Variants in TRAPPC9 observed in about 807,000 individuals in gnomAD.
TRAPPC9 encodes IKK2 binding protein.
In TRAPPC9, 83 loss-of-function variants were observed where a neutral mutation model predicts 124.0. The observed-to-expected ratio is 0.67, with a 90% CI of 0.56 to 0.80. The LOEUF is 0.80. Among genes scored for constraint, TRAPPC9 ranks in the 30% least tolerant of loss-of-function variants. TRAPPC9 has a pLI of 0.00. For synonymous variants in TRAPPC9, 638 were observed against 617.5 expected, an observed-to-expected ratio of 1.03 and a Z score of -0.49; for missense variants, 1,302 against 1,508.3, an observed-to-expected ratio of 0.86 and a Z score of 2.27.
chr8:139,994,021 T>G (rs57138217), intron 18 of TRAPPC9, among the ~76,000 whole-genome samples: 2 of 152,148 alleles, frequency 1.3e-5, no homozygotes, highest in African/African-American at 4.8e-5. Context: ...AATTGATACC[T>G]CCTAGACATT....
At chr8:139,973,058 G>A (rs1836207381) in intron 19 of TRAPPC9, among the ~76,000 whole-genome samples, 1 of 152,198 alleles carries the variant, frequency 6.6e-6, no homozygotes, top group South Asian at 2.1e-4. Flanking sequence ...AACAACTAGA[G>A]CGCAGGTGGA....
At chr8:140,382,794 T>G (rs2068646703) in intron 7 of TRAPPC9, among the ~76,000 whole-genome samples, 2 of 152,190 alleles carry the variant, frequency 1.3e-5, no homozygotes, top group Non-Finnish European at 1.5e-5. Context: ...CCCTGTCTGA[T>G]AGCTTTGAAG....
chr8:140,208,331 C>G (rs565607073), intron 17 of TRAPPC9, among the ~76,000 whole-genome samples: 55 of 152,102 alleles, frequency 3.6e-4, no homozygotes, highest in South Asian at 8.3e-4. Context: ...GTCCTAAAGA[C>G]AACAAAAAAT....
intron 21 of TRAPPC9, among the ~76,000 whole-genome samples, chr8:139,866,736 G>C (rs1406206918): frequency 6.6e-6 from 1 of 152,154 alleles, no homozygotes. Flanking sequence ...TGACTGTTAA[G>C]GTGGACAGAC....
intron 21 of TRAPPC9, among the ~76,000 whole-genome samples, chr8:139,758,263 T>C (rs1270829990): frequency 6.6e-6 from 1 of 152,178 alleles, no homozygotes; most frequent in African/African-American, 2.4e-5. Context: ...TGGGGACATG[T>C]GCCTGTGGAG....
At chr8:139,738,246 A>T (rs1238066552) in intron 21 of TRAPPC9, among the ~76,000 whole-genome samples, 1 of 152,202 alleles carries the variant, frequency 6.6e-6, no homozygotes, top group Non-Finnish European at 1.5e-5. Context: ...GAGAGACAGA[A>T]TGACTAAAGG....
chr8:139,920,567 G>A (rs1289432668), intron 19 of TRAPPC9, among the ~76,000 whole-genome samples: 1 of 152,212 alleles, frequency 6.6e-6, no homozygotes, highest in Non-Finnish European at 1.5e-5. Flanking sequence ...CCAGGGCAGG[G>A]CACACAGCTG....
At chr8:140,036,089 C>A (rs1398754170) in intron 17 of TRAPPC9, among the ~76,000 whole-genome samples, 1 of 152,114 alleles carries the variant, frequency 6.6e-6, no homozygotes, top group Non-Finnish European at 1.5e-5. Flanking sequence ...GGCGGGGCTA[C>A]AGAGAGAGCA....
chr8:140,166,809 A>G lies in TRAPPC9; in HGVS notation c.2556+54650T>C, dbSNP rs551542478. Among the ~76,000 whole-genome samples the G allele has an allele frequency of 8.5e-4, 129 of 152,290 alleles. 1 individual carries two copies. Among genetic ancestry groups the G allele is most frequent in the African/African-American group, 3.1e-3 (127 of 41,566 alleles). On this transcript the variant is annotated intron_variant, in intron 17 of 22. Coordinates refer to ENST00000438773, the MANE Select transcript of TRAPPC9 (RefSeq NM_001160372.4). ...TTCCAAATGTGTATACAGCCTCCTC[A>G]TCCAATGAAAGAATGGCAGTTGCCA...
Position 139,732,160 on chromosome 8 carries a change from G to A in TRAPPC9, c.3098C>T (p.Ala1033Val), listed in dbSNP as rs376381483. 1.6e-5 allele frequency: 26 copies of A among 1,601,858 alleles called. No homozygotes were observed. Among genetic ancestry groups the A allele is most frequent in the African/African-American group, 9.3e-5 (7 of 74,878 alleles). The change falls in exon 22 of 23, where the codon GCG becomes GTG. Residue 1033 changes from alanine to valine, a missense_variant. Ala to Val is a moderately conservative substitution (Grantham distance 64). This residue lies in a region of TRAPPC9 where 640 missense variants were observed against 679.3 expected (regional missense o/e 0.94). Coordinates refer to ENST00000438773, the MANE Select transcript of TRAPPC9 (RefSeq NM_001160372.4). ...CACGGGGTCGCCCACCTGGCAGGCC[G>A]CCACAGCCTCGCGGTCACATGGCTG... ...DGQPCDREAV[A>V]ACQVGDPVRL...
rs1435371394 is a variant in TRAPPC9, at chr8:140,364,589, A to AT, written c.1352-4397dup. 7.4e-5 allele frequency among the ~76,000 whole-genome samples: 11 copies of AT among 149,092 alleles called. No homozygotes were observed. In the East Asian group the frequency reaches 1.2e-3, roughly 16 times the overall value. Reference sequence around the variant, plus strand: ...TCCTCCTCCACCAGTAACTCTTAGCATTTTTTTTTTCGAGACGGAGTCTCG... The same window carrying AT: ...TCCTCCTCCACCAGTAACTCTTAGCATTTTTTTTTTTCGAGACGGAGTCTCG... On this transcript the variant is annotated intron_variant, in intron 8 of 22. Coordinates refer to ENST00000438773, the MANE Select transcript of TRAPPC9 (RefSeq NM_001160372.4).
chr8:140,431,303 A>G lies in TRAPPC9; in HGVS notation c.859+3809T>C, dbSNP rs1287120901. On this transcript the variant is annotated intron_variant, in intron 4 of 22. Coordinates refer to ENST00000438773, the MANE Select transcript of TRAPPC9 (RefSeq NM_001160372.4). ...GAAACCCCGTCTCTACTAAAAATAT[A>G]AAAACTAGCCGGGCGTAGTGGTGGG... Among the ~76,000 whole-genome samples, 5 of 152,144 alleles carry G rather than the reference A, an allele frequency of 3.3e-5. No homozygotes were observed. In the East Asian group the frequency reaches 9.8e-4, roughly 30 times the overall value.
chr8:140,330,426 A>G (rs957562468), intron 9 of TRAPPC9, among the ~76,000 whole-genome samples: 8 of 152,192 alleles, frequency 5.3e-5, no homozygotes, highest in African/African-American at 1.9e-4. Context: ...ACTTAGATAA[A>G]TTTGCAGTGA....
intron 8 of TRAPPC9, among the ~76,000 whole-genome samples, chr8:140,363,260 C>T (rs1298151895): frequency 6.6e-6 from 1 of 152,186 alleles, no homozygotes; most frequent in Non-Finnish European, 1.5e-5. Flanking sequence ...CCCCTTAAGC[C>T]GGCAAGTACA....
At position 140,353,181 on chromosome 8, in the gene TRAPPC9, ATCTATAC is replaced by A. The variant is rs1237011510; in HGVS notation, c.1495+6862_1495+6868del. Among the ~76,000 whole-genome samples, 1 of 152,200 alleles carries A rather than the reference ATCTATAC, an allele frequency of 6.6e-6. No homozygotes were observed. Among genetic ancestry groups the A allele is most frequent in the Non-Finnish European group, 1.5e-5 (1 of 68,040 alleles). ...CAGGAAATCATGTGCAACGCAAACC[ATCTATAC>A]TCTAGCGTGAGAACATCACACTCCC... On this transcript the variant is annotated intron_variant, in intron 9 of 22. Transcript: ENST00000438773. The surrounding 1 kb of genome is among the most constrained non-coding windows in gnomAD (Gnocchi z 4.2).
intron 17 of TRAPPC9, among the ~76,000 whole-genome samples, chr8:140,130,962 T>C (rs1189747020): frequency 6.6e-6 from 1 of 152,214 alleles, no homozygotes. Context: ...CTGAGGTAAC[T>C]GTCATTAATT....
Position 140,420,296 on chromosome 8 carries a change from ACAG to A in TRAPPC9, c.886+6316_886+6318del, listed in dbSNP as rs199742271. Among the ~76,000 whole-genome samples, 79 of 152,262 alleles carry A rather than the reference ACAG, an allele frequency of 5.2e-4. No individual in the cohort carries two copies. The East Asian group carries it at 0.014, about 28-fold the overall frequency. On this transcript the variant is annotated intron_variant, in intron 5 of 22. Transcript: ENST00000438773. ...ATGGCAATATTCTCCAAACTGATCA[ACAG>A]TTTGGAGAATCTCTATCAAATCTCT...
chr8:140,046,176 G>A (rs112945916), intron 17 of TRAPPC9, among the ~76,000 whole-genome samples: 2,611 of 149,872 alleles, frequency 0.017, 78 homozygotes, highest in African/African-American at 0.06. Flanking sequence ...CGGTCTTGCC[G>A]CTCTCCGGTG....
intron 17 of TRAPPC9, among the ~76,000 whole-genome samples, chr8:140,045,397 G>A (rs1188287414): frequency 5.3e-5 from 8 of 152,026 alleles, no homozygotes; most frequent in East Asian, 1.9e-4. Context: ...AGACCGAGGC[G>A]GGTGGATCAC....
Sources: gnomAD v4.1 joint callset for allele counts (sites outside exome capture counted in the v4.1 genomes callset) on GRCh38, gnomAD v4.1.1 for gene constraint, gnomAD v4.1.1 regional missense constraint, Gnocchi (gnomAD v3.1) non-coding constraint, MANE v1.5 for transcripts, NCBI Gene and HGNC (gene_info 2026-07-23, HGNC 2026-07-21) for gene names.